FIRRM: variants seen among roughly 807,000 people sequenced by gnomAD.
The protein encoded by FIRRM is FIGNL1 interacting regulator of recombination and mitosis, also known as FIGNL1-interacting regulator of recombination and mitosis.
At chr1:169,823,501 A>T in the FIRRM span, 123,507 of 1,438,908 alleles carry the variant, frequency 0.086, 5,840 homozygotes, top group Non-Finnish European at 0.097. Context: ...GATTATTAAG[A>T]TACAACAATG....
chr1:169,811,713 TAGACAGATTATCTAAATAGATAATAGAC>T, the FIRRM span, among the ~76,000 whole-genome samples: 4 of 149,964 alleles, frequency 2.7e-5, no homozygotes, highest in Admixed American at 6.6e-5. Context: ...AAATAGATAA[TAGACAGATTATCTAAATAGATAATAGAC>T]AGATTATCTA....
At chr1:169,853,716 C>A in the FIRRM span, 10 of 1,613,518 alleles carry the variant, frequency 6.2e-6, no homozygotes, top group Admixed American at 8.3e-5. Flanking sequence ...TCTATTGTCA[C>A]CAGTTATTAT....
At chr1:169,783,891 TCCTCCCACCTCAG>T in the FIRRM span, 1 of 152,176 alleles carries the variant, frequency 6.6e-6, no homozygotes, top group African/African-American at 2.4e-5. Flanking sequence ...GCTCAAGCAA[TCCTCCCACCTCAG>T]CCTCCCACAT....
the FIRRM span, chr1:169,829,409 C>T: frequency 6.2e-7 from 1 of 1,613,386 alleles, no homozygotes; most frequent in South Asian, 1.1e-5. Context: ...CATCTGTGTA[C>T]ATTTATTACT....
At chr1:169,852,411 T>C in the FIRRM span, 3 of 268,770 alleles carry the variant, frequency 1.1e-5, no homozygotes, top group African/African-American at 6.7e-5. Context: ...ATTAGTATAG[T>C]AGTAATTCAT....
At chr1:169,805,983 T>C in the FIRRM span, 2 of 1,489,976 alleles carry the variant, frequency 1.3e-6, no homozygotes, top group Non-Finnish European at 1.9e-6. Context: ...GTCTTAAAAG[T>C]TCTGTTATCT....
the FIRRM span, chr1:169,827,324 T>A: frequency 1.2e-6 from 1 of 843,382 alleles, no homozygotes; most frequent in Non-Finnish European, 1.8e-6. Flanking sequence ...TTTCTTTTCT[T>A]GAAACATATT....
At chr1:169,787,836 G>A in the FIRRM span, among the ~76,000 whole-genome samples, 4 of 151,990 alleles carry the variant, frequency 2.6e-5, no homozygotes, top group South Asian at 8.3e-4. Context: ...ACAGCCCCCT[G>A]TAACGTGATG....
the FIRRM span, chr1:169,853,040 A>T: frequency 1.3e-5 from 20 of 1,550,958 alleles, no homozygotes; most frequent in Admixed American, 1.7e-5. Context: ...GAAAATACTT[A>T]TGTCTGTACA....
At chr1:169,838,575 T>C in the FIRRM span, among the ~76,000 whole-genome samples, 4 of 152,280 alleles carry the variant, frequency 2.6e-5, no homozygotes, top group East Asian at 7.7e-4. Context: ...CCGCAACCTC[T>C]GCCTCCTGGG....
At chr1:169,791,547 A>G in the FIRRM span, among the ~76,000 whole-genome samples, 6 of 152,228 alleles carry the variant, frequency 3.9e-5, no homozygotes, top group African/African-American at 1.4e-4. Flanking sequence ...GAGCAAATCA[A>G]TTAACTTCTT....
chr1:169,837,494 C>G, the FIRRM span, among the ~76,000 whole-genome samples: 45 of 152,292 alleles, frequency 3.0e-4, no homozygotes, highest in Non-Finnish European at 1.0e-4. Context: ...GTACCTTTTA[C>G]ATAGAATGTT....
At chr1:169,832,566 T>C in the FIRRM span, 1 of 1,169,560 alleles carries the variant, frequency 8.6e-7, no homozygotes, top group Non-Finnish European at 1.3e-6. Context: ...GGATTCAGAC[T>C]CCTTTGATAG....
At chr1:169,803,229 G>T in the FIRRM span, 1 of 1,613,968 alleles carries the variant, frequency 6.2e-7, no homozygotes, top group Non-Finnish European at 8.5e-7. Context: ...TGCCACACAG[G>T]AATCCATCAT....
chr1:169,819,682 G>A, the FIRRM span, among the ~76,000 whole-genome samples: 2 of 149,116 alleles, frequency 1.3e-5, no homozygotes, highest in African/African-American at 2.5e-5. Flanking sequence ...TTTTTAAAAC[G>A]TCCTTTTAAA....
chr1:169,837,537 A>G, the FIRRM span, among the ~76,000 whole-genome samples: 4 of 152,238 alleles, frequency 2.6e-5, no homozygotes, highest in African/African-American at 7.2e-5. Context: ...TAAGAGACTT[A>G]TCTACTAGAA....
chr1:169,812,238 A>C, the FIRRM span, among the ~76,000 whole-genome samples: 1 of 152,238 alleles, frequency 6.6e-6, no homozygotes, highest in Admixed American at 6.5e-5. Flanking sequence ...TAAGCAAACA[A>C]ATAAGTTGTG....
chr1:169,805,956 C>T, the FIRRM span: 3 of 1,095,986 alleles, frequency 2.7e-6, no homozygotes, highest in Admixed American at 3.9e-5. Context: ...AGAAACTCAC[C>T]CCCATGACAT....
the FIRRM span, among the ~76,000 whole-genome samples, chr1:169,822,600 A>G: frequency 6.6e-6 from 1 of 152,080 alleles, no homozygotes; most frequent in African/African-American, 2.4e-5. Flanking sequence ...CCCAGGTTCA[A>G]GTGATTCTCC....
Sources: gnomAD v4.1 joint callset for allele counts (sites outside exome capture counted in the v4.1 genomes callset) on GRCh38, gnomAD v4.1.1 for gene constraint, MANE v1.5 for transcripts, NCBI Gene and HGNC (gene_info 2026-07-23, HGNC 2026-07-21) for gene names.